The following IRAK3 variants were observed in gnomAD, a reference collection of about 807,000 sequenced individuals.
The protein encoded by IRAK3 is interleukin-1 receptor-associated kinase 3.
A neutral mutation model predicts 56.6 loss-of-function variants in IRAK3; 57 were observed. The observed-to-expected ratio is 1.01, with a 90% CI of 0.81 to 1.26. The LOEUF is 1.26. IRAK3 is among the 50% of genes most tolerant of loss of function. The probability of loss-of-function intolerance (pLI) is 0.00; values close to 1 mark genes in which losing one functional copy is unlikely to be tolerated. For synonymous variants in IRAK3, 258 were observed against 255.7 expected (o/e 1.01, Z -0.09); for missense variants, 703 against 719.0 (o/e 0.98, Z 0.25).
chr12:66,233,587 G>A (rs1249997644), intron 8 of IRAK3, among the ~76,000 whole-genome samples: 1 of 151,090 alleles, frequency 6.6e-6, no homozygotes, highest in Non-Finnish European at 1.5e-5. Flanking sequence ...AGCAACACTC[G>A]CACTGCAAGC....
At chr12:66,218,979 A>G (rs1487152900) in intron 6 of IRAK3, among the ~76,000 whole-genome samples, 1 of 152,100 alleles carries the variant, frequency 6.6e-6, no homozygotes, top group Non-Finnish European at 1.5e-5. Flanking sequence ...AGGTTCATCC[A>G]TGTTGTTGGA....
chr12:66,190,841 T>C (rs765335669), intron 1 of IRAK3, among the ~76,000 whole-genome samples: 1 of 152,138 alleles, frequency 6.6e-6, no homozygotes, highest in Non-Finnish European at 1.5e-5. Flanking sequence ...ATCCAAGGCT[T>C]ATGTCCTTAA....
chr12:66,195,998 C>A (rs1474674393), intron 1 of IRAK3, among the ~76,000 whole-genome samples: 2 of 151,648 alleles, frequency 1.3e-5, no homozygotes, highest in Non-Finnish European at 2.9e-5. Flanking sequence ...CCACCACTCT[C>A]TTATGCCTCT....
In IRAK3 at chr12:66,251,660, T is replaced by A. The variant is rs571107295; in HGVS notation, c.*3489T>A. On this transcript the variant is annotated 3_prime_UTR_variant, in exon 12 of 12. Transcript: ENST00000261233. ...TTGTAATGATCTGTGACTCACTGCATAATATTGTAGTTTTATAGGGTGGCA... is the reference window on the plus strand; with the variant it reads ...TTGTAATGATCTGTGACTCACTGCAAAATATTGTAGTTTTATAGGGTGGCA... 1.3e-5 allele frequency: 2 copies of A among 152,242 alleles called. No homozygotes were observed. Among genetic ancestry groups the A allele is most frequent in the Non-Finnish European group, 2.9e-5 (2 of 68,046 alleles). The allele number at this position is 152,242 out of a possible 1,614,324, so 9.4% of individuals were successfully genotyped here. A position where few individuals can be genotyped will look rare whatever the true frequency, so the allele number is the denominator to read the frequency against.
At position 66,250,667 on chromosome 12, in the gene IRAK3, A is replaced by G. The variant is rs2053089791; in HGVS notation, c.*2496A>G. On this transcript the variant is annotated 3_prime_UTR_variant, in exon 12 of 12. Coordinates refer to ENST00000261233, the MANE Select transcript of IRAK3 (RefSeq NM_007199.3). ...CCACCAATACATTCAATGAAGGGTCATTAAGGAAGCTCTGATTAACACCAG... is the reference window on the plus strand; with the variant it reads ...CCACCAATACATTCAATGAAGGGTCGTTAAGGAAGCTCTGATTAACACCAG... The G allele has an allele frequency of 6.6e-6, 1 of 152,250 alleles. No homozygotes were observed. Among genetic ancestry groups the G allele is most frequent in the Admixed American group, 6.5e-5 (1 of 15,290 alleles). The allele number at this position is 152,250 out of a possible 1,614,324, so 9.4% of individuals were successfully genotyped here.
At chr12:66,199,178 G>A (rs2052484006) in intron 1 of IRAK3, among the ~76,000 whole-genome samples, 1 of 152,144 alleles carries the variant, frequency 6.6e-6, no homozygotes, top group Admixed American at 6.5e-5. Context: ...AAAGATAAGA[G>A]GTGTTATAAT....
intron 8 of IRAK3, among the ~76,000 whole-genome samples, chr12:66,238,807 G>A (rs890446184): frequency 2.0e-5 from 3 of 152,204 alleles, no homozygotes; most frequent in Non-Finnish European, 4.4e-5. Flanking sequence ...AAATGTCTTA[G>A]TAATTTGAAC....
intron 2 of IRAK3, among the ~76,000 whole-genome samples, chr12:66,205,820 G>A (rs1240943283): frequency 6.6e-6 from 1 of 152,124 alleles, no homozygotes; most frequent in Non-Finnish European, 1.5e-5. Context: ...TAGTCATATT[G>A]AAATGGGCCT....
intron 8 of IRAK3, among the ~76,000 whole-genome samples, chr12:66,230,436 C>T (rs2052832546): frequency 6.6e-6 from 1 of 152,172 alleles, no homozygotes; most frequent in Non-Finnish European, 1.5e-5. Context: ...TGGGGAAGCA[C>T]TGAAGCTGGG....
intron 6 of IRAK3, 107 bp from the exon 7 acceptor site, chr12:66,226,616 G>A (rs1325040944): frequency 2.2e-5 from 16 of 728,080 alleles, no homozygotes; most frequent in Admixed American, 1.9e-4. Flanking sequence ...TTTATATTCC[G>A]CTTTAGGCCT....
chr12:66,192,906 T>C (rs568625751), intron 1 of IRAK3, among the ~76,000 whole-genome samples: 1 of 152,318 alleles, frequency 6.6e-6, no homozygotes, highest in Non-Finnish European at 1.5e-5. Flanking sequence ...GTCTTCTAAA[T>C]GGCACACTAA....
intron 2 of IRAK3, among the ~76,000 whole-genome samples, chr12:66,204,548 C>T (rs948853006): frequency 1.3e-5 from 2 of 152,182 alleles, no homozygotes; most frequent in Non-Finnish European, 2.9e-5. Context: ...TCCATTTATT[C>T]TTTGTCAGTG....
intron 2 of IRAK3, among the ~76,000 whole-genome samples, chr12:66,209,095 A>G (rs966115229): frequency 6.0e-5 from 9 of 150,858 alleles, no homozygotes; most frequent in African/African-American, 2.2e-4. Context: ...AAAGGCTGAT[A>G]ATTTTTTTTA....
At chr12:66,242,513 G>A (rs188322142) in intron 8 of IRAK3, among the ~76,000 whole-genome samples, 2 of 152,288 alleles carry the variant, frequency 1.3e-5, no homozygotes, top group African/African-American at 4.8e-5. Flanking sequence ...AGTGACAGAT[G>A]GGGGTGTGTG....
chr12:66,197,979 G>T, intron 1 of IRAK3: 2 of 985,304 alleles, frequency 2.0e-6, no homozygotes, highest in Non-Finnish European at 2.4e-6. Flanking sequence ...CATTCCCTGG[G>T]ACTTGAAATG....
chr12:66,234,342 C>T (rs1011313408), intron 8 of IRAK3: 8 of 1,612,380 alleles, frequency 5.0e-6, no homozygotes, highest in Admixed American at 1.7e-5. Flanking sequence ...AACACGGCAC[C>T]GGGGTGCTGT....
intron 1 of IRAK3, among the ~76,000 whole-genome samples, chr12:66,201,982 T>C (rs1310642649): frequency 1.3e-5 from 2 of 152,202 alleles, no homozygotes; most frequent in Non-Finnish European, 2.9e-5. Context: ...GAAATAATTA[T>C]TGTGTTCTGA....
At position 66,203,760 on chromosome 12, in the gene IRAK3, T is replaced by G; in HGVS notation, c.183T>G (p.Tyr61Ter). 1 of 1,614,124 alleles carries G rather than the reference T, an allele frequency of 6.2e-7. No individual in the cohort carries two copies. Among genetic ancestry groups the G allele is most frequent in the Non-Finnish European group, 8.5e-7 (1 of 1,179,988 alleles). The change falls in exon 2 of 12, where the codon TAT (tyrosine) becomes TAG (stop). Residue 61 changes from tyrosine (Y) to a stop codon, truncating the protein, a stop_gained. Transcript: ENST00000261233. LOFTEE classifies it high-confidence loss of function. ...SWLDVRHIEK[Y>*]VDQGKSGTRE... ...TGGATGTTCGTCATATTGAAAAGTATGTAGACCAAGGTAAAAGTGGAACAA... is the reference window on the plus strand; with the variant it reads ...TGGATGTTCGTCATATTGAAAAGTAGGTAGACCAAGGTAAAAGTGGAACAA...
At position 66,253,745 on chromosome 12, in the gene IRAK3, G is replaced by A. The variant is rs1391990574; in HGVS notation, c.*5574G>A. The A allele has an allele frequency of 1.3e-5, 2 of 152,160 alleles. No individual in the cohort carries two copies. The highest frequency in any genetic ancestry group is 4.8e-5 in the African/African-American group (2 of 41,436). The allele number at this position is 152,160 out of a possible 1,614,324, so 9.4% of individuals were successfully genotyped here. A position where few individuals can be genotyped will look rare whatever the true frequency, so the allele number is the denominator to read the frequency against. On this transcript the variant is annotated 3_prime_UTR_variant, in exon 12 of 12. Transcript: ENST00000261233. ...GCAGGCTCATTGTTGTGTCTAGTAG[G>A]TGCTAGGTGCATTCACACATCTCTT...
Sources: gnomAD v4.1 joint callset for allele counts (sites outside exome capture counted in the v4.1 genomes callset) on GRCh38, gnomAD v4.1.1 for gene constraint, MANE v1.5 for transcripts, NCBI Gene and HGNC (gene_info 2026-07-23, HGNC 2026-07-21) for gene names.